Variants in SAMD13 observed in about 807,000 individuals in gnomAD.
The protein encoded by SAMD13 is sterile alpha motif domain-containing protein 13.
SAMD13 carries 9 observed loss-of-function variants against 12.4 expected under a neutral mutation model. The ratio of observed to expected loss-of-function variants is 0.72; its 90% CI spans 0.44 to 1.26. The LOEUF (loss-of-function observed/expected upper bound fraction) is 1.26. SAMD13 is among the 50% of genes most tolerant of loss of function. The pLI is 0.00. For missense variants in SAMD13, 84 were observed against 119.6 expected, an observed-to-expected ratio of 0.70 and a Z score of 1.39; for synonymous variants, 46 against 45.4, an observed-to-expected ratio of 1.01 and a Z score of -0.05.
upstream of SAMD13, chr1:84,298,586 C>T (rs754547716): frequency 4.3e-5 from 55 of 1,284,752 alleles, 1 homozygote; most frequent in East Asian, 1.6e-3. Context: ...TCTGCCTGTG[C>T]GCCCAGGGCG....
At chr1:84,338,432 CTTTT>C (rs201864672) in intron 3 of SAMD13, among the ~76,000 whole-genome samples, 3 of 100,696 alleles carry the variant, frequency 3.0e-5, no homozygotes, top group South Asian at 3.8e-4. Flanking sequence ...ACTCATCTCT[CTTTT>C]TTTTTTTTTT....
intron 2 of SAMD13, among the ~76,000 whole-genome samples, chr1:84,315,354 C>A (rs994503662): frequency 6.6e-6 from 1 of 152,072 alleles, no homozygotes; most frequent in Non-Finnish European, 1.5e-5. Flanking sequence ...CCTTCTTTGA[C>A]TTGGTTATTT....
rs75498804 is a variant in SAMD13 at position 84,334,570 on chromosome 1, G to C, written c.165+8822G>C. Among the ~76,000 whole-genome samples the C allele has an allele frequency of 7.7e-3, 1,171 of 152,128 alleles. 16 individuals are homozygous for C. Among genetic ancestry groups the C allele is most frequent in the African/African-American group, 0.027 (1,107 of 41,500 alleles). ...TCTCAGTTTCATTCGGTTCAGCTCA[G>C]ATTTTAGTTATTTCTTGTCTTCTGG... On this transcript the variant is annotated intron_variant, in intron 3 of 3. Transcript: ENST00000394834.
chr1:84,303,148 AT>A, intron 1 of SAMD13, 54 bp from the exon 2 acceptor site: 1 of 1,315,502 alleles, frequency 7.6e-7, no homozygotes, highest in Admixed American at 1.7e-5. Context: ...CAGAATATAT[AT>A]TCTTCTCTCA....
chr1:84,330,578 G>T (rs1679158133), intron 3 of SAMD13, among the ~76,000 whole-genome samples: 1 of 152,174 alleles, frequency 6.6e-6, no homozygotes. Flanking sequence ...ATTCTCTGTT[G>T]TAAAGCCAAC....
chr1:84,321,533 C>A (rs1678944404), intron 2 of SAMD13, among the ~76,000 whole-genome samples: 1 of 152,096 alleles, frequency 6.6e-6, no homozygotes, highest in South Asian at 2.1e-4. Context: ...AAATTAGCAG[C>A]CACAATGGAA....
rs1051999919 is a variant in SAMD13 at position 84,316,044 on chromosome 1, C to T, written c.54-9593C>T. 7.2e-5 allele frequency among the ~76,000 whole-genome samples: 11 copies of T among 152,052 alleles called. No homozygotes were observed. In the South Asian group the frequency reaches 1.0e-3, roughly 14 times the overall value. On this transcript the variant is annotated intron_variant, in intron 2 of 3. Coordinates refer to ENST00000394834, the MANE Select transcript of SAMD13 (RefSeq NM_001134663.2). ...TTTCAGAGATATCTATTATGTCCTTCGACCATTTTTTCAATTGAGTTATTA... is the reference window on the plus strand; with the variant it reads ...TTTCAGAGATATCTATTATGTCCTTTGACCATTTTTTCAATTGAGTTATTA...
chr1:84,339,035 A>G (rs1054112978), intron 3 of SAMD13, among the ~76,000 whole-genome samples: 1 of 152,198 alleles, frequency 6.6e-6, no homozygotes, highest in Non-Finnish European at 1.5e-5. Context: ...TGACCATTTC[A>G]TCTTTCAGCT....
At chr1:84,346,006 T>C (rs546978274) in intron 3 of SAMD13, among the ~76,000 whole-genome samples, 1 of 152,292 alleles carries the variant, frequency 6.6e-6, no homozygotes, top group East Asian at 1.9e-4. Context: ...ACTCAGCTTT[T>C]ATATGCTTTT....
chr1:84,312,428 A>G, intron 2 of SAMD13, among the ~76,000 whole-genome samples: 1 of 151,562 alleles, frequency 6.6e-6, no homozygotes, highest in Non-Finnish European at 1.5e-5. Flanking sequence ...ATTTTTAACT[A>G]AAAATATTTA....
intron 3 of SAMD13, among the ~76,000 whole-genome samples, chr1:84,326,390 G>A (rs1287349625): frequency 6.6e-6 from 1 of 152,166 alleles, no homozygotes; most frequent in Non-Finnish European, 1.5e-5. Flanking sequence ...GATAGGTTCT[G>A]GCATAGTGTT....
chr1:84,311,332 TAAA>T (rs757714939), intron 2 of SAMD13, among the ~76,000 whole-genome samples: 1 of 112,246 alleles, frequency 8.9e-6, no homozygotes. Context: ...TGAGACTGTC[TAAA>T]AAAAAAAAAA....
chr1:84,326,927 C>A (rs1044122749), intron 3 of SAMD13, among the ~76,000 whole-genome samples: 2 of 152,074 alleles, frequency 1.3e-5, no homozygotes, highest in African/African-American at 4.8e-5. Flanking sequence ...AAAATAGCAG[C>A]TTAAATTTCT....
At chr1:84,327,437 T>C (rs2101806342) in intron 3 of SAMD13, among the ~76,000 whole-genome samples, 1 of 152,032 alleles carries the variant, frequency 6.6e-6, no homozygotes, top group Non-Finnish European at 1.5e-5. Context: ...TCTGGCTGCG[T>C]GGGGGTGGAA....
intron 2 of SAMD13, among the ~76,000 whole-genome samples, chr1:84,311,392 A>G (rs1389863219): frequency 1.3e-5 from 2 of 152,046 alleles, no homozygotes; most frequent in Middle Eastern, 3.2e-3. Context: ...TTAATATTTG[A>G]CAAGCATTCC....
rs1360587669 is a variant in SAMD13, at chr1:84,313,644, C to A, written c.53+10357C>A. ...AAGCAGTTTATTTCCCTACCACCACCATGCCCCCGAGCCCCTCAGTGGAGA... is the reference window on the plus strand; with the variant it reads ...AAGCAGTTTATTTCCCTACCACCACAATGCCCCCGAGCCCCTCAGTGGAGA... On this transcript the variant is annotated intron_variant, in intron 2 of 3. Transcript: ENST00000394834. Among the ~76,000 whole-genome samples, 3 of 152,120 alleles carry A rather than the reference C, an allele frequency of 2.0e-5. No individual in the cohort carries two copies. In the East Asian group the frequency reaches 5.8e-4, roughly 29 times the overall value.
intron 2 of SAMD13, among the ~76,000 whole-genome samples, chr1:84,306,271 C>G (rs989943497): frequency 6.6e-6 from 1 of 151,498 alleles, no homozygotes; most frequent in East Asian, 1.9e-4. Flanking sequence ...TTTGAATTTT[C>G]AATTATCTTA....
chr1:84,336,805 G>A (rs1031408094), intron 3 of SAMD13, among the ~76,000 whole-genome samples: 1 of 152,186 alleles, frequency 6.6e-6, no homozygotes, highest in African/African-American at 2.4e-5. Flanking sequence ...GACAAGGCAA[G>A]TCTCTTCTAC....
chr1:84,299,530 C>G (rs1393255021), upstream of SAMD13: 2 of 1,308,094 alleles, frequency 1.5e-6, no homozygotes, highest in African/African-American at 2.9e-5. Flanking sequence ...CACACCCACA[C>G]ACAAAGTACA....
Sources: gnomAD v4.1 joint callset for allele counts (sites outside exome capture counted in the v4.1 genomes callset) on GRCh38, gnomAD v4.1.1 for gene constraint, MANE v1.5 for transcripts, NCBI Gene and HGNC (gene_info 2026-07-23, HGNC 2026-07-21) for gene names.